Variants in VRK1 observed in about 807,000 individuals in gnomAD.
VRK1 encodes serine/threonine-protein kinase VRK1.
VRK1 carries 33 observed loss-of-function variants against 57.1 expected under a neutral mutation model. That is an observed-to-expected ratio of 0.58 (90% CI 0.44 to 0.77). The LOEUF is 0.77. Among genes scored for constraint, VRK1 ranks in the 30% least tolerant of loss-of-function variants. The pLI, the probability that VRK1 is intolerant of heterozygous loss-of-function variation, is 0.00. For missense variants in VRK1, 413 were observed against 477.3 expected (o/e 0.87, Z 1.25); for synonymous variants, 137 against 147.8 (o/e 0.93, Z 0.53).
intron 1 of VRK1, among the ~76,000 whole-genome samples, chr14:96,809,561 G>GCTTA (rs774109421): frequency 6.9e-6 from 1 of 145,556 alleles, no homozygotes. Flanking sequence ...TTGCTTGCTT[G>GCTTA]CTTGCTTTCT....
intron 3 of VRK1, among the ~76,000 whole-genome samples, chr14:96,841,355 G>A (rs544345769): frequency 2.6e-5 from 4 of 152,208 alleles, no homozygotes; most frequent in African/African-American, 9.6e-5. Flanking sequence ...TATGCTTAAG[G>A]TAATGAATTA....
intron 3 of VRK1, among the ~76,000 whole-genome samples, chr14:96,844,637 G>A (rs1426163823): frequency 1.3e-5 from 2 of 152,164 alleles, no homozygotes. Context: ...CGCCTCCTGG[G>A]TTCAAGTGAT....
At chr14:96,876,612 A>G (rs866083051) in intron 12 of VRK1, among the ~76,000 whole-genome samples, 1 of 152,208 alleles carries the variant, frequency 6.6e-6, no homozygotes, top group African/African-American at 2.4e-5. Context: ...GATCCCACAT[A>G]ACTCTGGGTA....
chr14:96,844,688 C>T (rs1385548850), intron 3 of VRK1, among the ~76,000 whole-genome samples: 3 of 152,106 alleles, frequency 2.0e-5, no homozygotes, highest in African/African-American at 7.2e-5. Context: ...ATTACAGGTA[C>T]TCGCCACCAT....
chr14:96,853,986 T>C (rs1204301173), intron 7 of VRK1, among the ~76,000 whole-genome samples: 1 of 152,166 alleles, frequency 6.6e-6, no homozygotes, highest in Admixed American at 6.5e-5. Flanking sequence ...GCTTAGTTTT[T>C]CCTTTTTCCT....
At chr14:96,824,811 G>C (rs921188947) in intron 1 of VRK1, among the ~76,000 whole-genome samples, 1 of 151,520 alleles carries the variant, frequency 6.6e-6, no homozygotes, top group Non-Finnish European at 1.5e-5. Context: ...CCACCACCAC[G>C]CCTGGCTTAT....
chr14:96,828,833 C>T (rs897573064), intron 1 of VRK1, among the ~76,000 whole-genome samples: 3 of 152,202 alleles, frequency 2.0e-5, no homozygotes, highest in Non-Finnish European at 4.4e-5. Flanking sequence ...CTGCTTATAC[C>T]TGGCTGAAGC....
chr14:96,800,438 A>G (rs1885613904), intron 1 of VRK1, among the ~76,000 whole-genome samples: 1 of 152,162 alleles, frequency 6.6e-6, no homozygotes, highest in Admixed American at 6.5e-5. Context: ...AAAGCTCTCT[A>G]GAAAATCTAG....
At chr14:96,839,897 A>G (rs1201291147) in intron 3 of VRK1, among the ~76,000 whole-genome samples, 3 of 152,152 alleles carry the variant, frequency 2.0e-5, no homozygotes, top group South Asian at 2.1e-4. Context: ...TGTGGCAATT[A>G]CATTGATTGA....
intron 11 of VRK1, among the ~76,000 whole-genome samples, chr14:96,865,783 G>A (rs1888563601): frequency 6.7e-6 from 1 of 149,052 alleles, no homozygotes; most frequent in Admixed American, 6.7e-5. Context: ...TGGATTATCT[G>A]TGATTATACA....
Position 96,881,303 on chromosome 14 carries a change from C to T in VRK1, c.*95C>T, listed in dbSNP as rs529376398. The stretch of plus-strand genomic sequence containing the variant: ...CTGTTTTATTTTCCTGTGAGTCTTG[C>T]GAGGTGGAAGTAATGATTAAATACT... On this transcript the variant is annotated 3_prime_UTR_variant, in exon 13 of 13. Coordinates refer to ENST00000216639, the MANE Select transcript of VRK1 (RefSeq NM_003384.3). 5.6e-5 allele frequency: 66 copies of T among 1,170,488 alleles called. No homozygotes were observed. The highest frequency in any genetic ancestry group is 5.1e-4 in the East Asian group (20 of 39,140). The allele number at this position is 1,170,488 out of a possible 1,614,324, so 72.5% of individuals were successfully genotyped here. A position where few individuals can be genotyped will look rare whatever the true frequency, so the allele number is the denominator to read the frequency against.
At position 96,881,159 on chromosome 14, in the gene VRK1, C is replaced by T; in HGVS notation, c.1160-18C>T. ...AATTATTGACTAGTGATTTCAGTTT[C>T]TTTGATTTTTCTTCAAGGTTCAAGA... On this transcript the variant is annotated intron_variant, in intron 12 of 12. Coordinates refer to ENST00000216639, the MANE Select transcript of VRK1 (RefSeq NM_003384.3). 1 of 1,597,632 alleles carries T rather than the reference C, an allele frequency of 6.3e-7. No individual in the cohort carries two copies. The highest frequency in any genetic ancestry group is 1.1e-5 in the South Asian group (1 of 88,572).
chr14:96,813,469 T>C (rs1886281498), intron 1 of VRK1, among the ~76,000 whole-genome samples: 1 of 152,344 alleles, frequency 6.6e-6, no homozygotes, highest in Non-Finnish European at 1.5e-5. Flanking sequence ...TTAGCTTTTT[T>C]CATATATTCT....
intron 2 of VRK1, among the ~76,000 whole-genome samples, chr14:96,835,506 C>T (rs1418562688): frequency 6.6e-6 from 1 of 152,046 alleles, no homozygotes; most frequent in Non-Finnish European, 1.5e-5. Flanking sequence ...CCGTTGATTT[C>T]CCTGTCTTTT....
chr14:96,880,372 GC>G (rs1889212773), intron 12 of VRK1, among the ~76,000 whole-genome samples: 1 of 152,154 alleles, frequency 6.6e-6, no homozygotes, highest in Non-Finnish European at 1.5e-5. Flanking sequence ...TGACTCTGGT[GC>G]CCCTGCTCTT....
At chr14:96,847,437 A>G (rs1887753091) in intron 5 of VRK1, 93 bp downstream of exon 5, 4 of 969,858 alleles carry the variant, frequency 4.1e-6, no homozygotes, top group South Asian at 2.7e-5. Context: ...ATCACTTACA[A>G]TATTACTAGG....
At chr14:96,856,034 G>T in intron 8 of VRK1, 96 bp from the exon 9 acceptor site, 1 of 1,401,646 alleles carries the variant, frequency 7.1e-7, no homozygotes, top group Non-Finnish European at 9.8e-7. Context: ...ACAGACTGTG[G>T]AGTTGACTTG....
intron 11 of VRK1, among the ~76,000 whole-genome samples, chr14:96,874,862 A>G (rs555367076): frequency 6.6e-6 from 1 of 152,358 alleles, no homozygotes; most frequent in East Asian, 1.9e-4. Context: ...GAAAAGGAAC[A>G]ATGTGCTGTC....
chr14:96,804,507 T>C (rs1445427447), intron 1 of VRK1, among the ~76,000 whole-genome samples: 17 of 152,172 alleles, frequency 1.1e-4, no homozygotes, highest in Non-Finnish European at 2.5e-4. Flanking sequence ...TGGCTATTTT[T>C]GGGAGTCATG....
Sources: allele counts gnomAD v4.1 joint callset (sites outside exome capture counted in the v4.1 genomes callset), GRCh38; gene constraint gnomAD v4.1.1; transcripts MANE v1.5; gene names NCBI Gene and HGNC (gene_info 2026-07-23, HGNC 2026-07-21).